The following CSMD1 variants were observed in gnomAD, a reference collection of about 807,000 sequenced individuals.
CSMD1 encodes CUB and sushi domain-containing protein 1.
A neutral mutation model predicts 417.5 loss-of-function variants in CSMD1; 213 were observed. The observed-to-expected ratio is 0.51, with a 90% CI of 0.46 to 0.57. The LOEUF (loss-of-function observed/expected upper bound fraction) is 0.57, where lower values mean the gene tolerates loss of function less well. Among genes scored for constraint, CSMD1 ranks in the 20% least tolerant of loss-of-function variants. The pLI, the probability that CSMD1 is intolerant of heterozygous loss-of-function variation, is 0.00. For synonymous variants in CSMD1, 2,862 were observed against 1,736.8 expected, an observed-to-expected ratio of 1.65 and a Z score of -16.11; for missense variants, 6,923 against 4,529.7, an observed-to-expected ratio of 1.53 and a Z score of -15.17.
intron 3 of CSMD1, among the ~76,000 whole-genome samples, chr8:4,379,879 C>T (rs947694480): frequency 6.6e-6 from 1 of 152,276 alleles, no homozygotes. Flanking sequence ...TGCTGGCATG[C>T]TGATGGAAGC....
At chr8:3,274,994 T>G (rs1319523495) in intron 26 of CSMD1, among the ~76,000 whole-genome samples, 1 of 151,242 alleles carries the variant, frequency 6.6e-6, no homozygotes, top group Non-Finnish European at 1.5e-5. Flanking sequence ...GTTATTTTGC[T>G]CGTTAGTTGA....
chr8:4,810,952 T>A lies in CSMD1; in HGVS notation c.86-173394A>T, dbSNP rs371515542. Among the ~76,000 whole-genome samples, 9 of 152,222 alleles carry A rather than the reference T, an allele frequency of 5.9e-5. No individual in the cohort carries two copies. The South Asian group carries it at 1.4e-3, about 24-fold the overall frequency. ...GAGATTAAAGAATGGCATAAAATAG[T>A]GATGATATTAAAGACAAGAAAGTAA... On this transcript the variant is annotated intron_variant, in intron 1 of 69. Transcript: ENST00000635120.
chr8:3,449,470 A>T (rs948253833), intron 12 of CSMD1, among the ~76,000 whole-genome samples: 1 of 151,822 alleles, frequency 6.6e-6, no homozygotes, highest in African/African-American at 2.4e-5. Context: ...TTCTTATGCT[A>T]TATTTTCTCT....
At chr8:4,328,666 G>C (rs1451516346) in intron 3 of CSMD1, among the ~76,000 whole-genome samples, 2 of 151,988 alleles carry the variant, frequency 1.3e-5, no homozygotes, top group Non-Finnish European at 2.9e-5. Flanking sequence ...CTCTTTGAAA[G>C]GCATGTCTAC....
intron 1 of CSMD1, among the ~76,000 whole-genome samples, chr8:4,747,418 T>G (rs146702219): frequency 6.6e-6 from 1 of 152,056 alleles, no homozygotes; most frequent in African/African-American, 2.4e-5. Flanking sequence ...AGCAATACAA[T>G]AGTGTGTTAA....
intron 2 of CSMD1, among the ~76,000 whole-genome samples, chr8:4,425,198 G>C (rs574414777): frequency 6.6e-6 from 1 of 151,976 alleles, no homozygotes; most frequent in East Asian, 1.9e-4. Context: ...GAAGGGGTGT[G>C]GTCAAATGAT....
rs567768235 is a variant in CSMD1 at position 3,497,858 on chromosome 8, T to G, written c.1345-4132A>C. Among the ~76,000 whole-genome samples, 8 of 152,378 alleles carry G rather than the reference T, an allele frequency of 5.3e-5. No homozygotes were observed. In the East Asian group the frequency reaches 1.4e-3, roughly 26 times the overall value. ...GTTTTCTGTAGTGATATGGTTTTACTTCTTTCTCATTTATTTGTCTGCTCT... is the reference window on the plus strand; with the variant it reads ...GTTTTCTGTAGTGATATGGTTTTACGTCTTTCTCATTTATTTGTCTGCTCT... On this transcript the variant is annotated intron_variant, in intron 10 of 69. Transcript: ENST00000635120.
At chr8:3,953,777 C>A (rs1018883357) in intron 5 of CSMD1, among the ~76,000 whole-genome samples, 1 of 152,116 alleles carries the variant, frequency 6.6e-6, no homozygotes, top group Non-Finnish European at 1.5e-5. Context: ...AGCTTATCCA[C>A]AAGCCCCGCA....
Position 4,693,672 on chromosome 8 carries a change from C to T in CSMD1, c.86-56114G>A, listed in dbSNP as rs564218121. On this transcript the variant is annotated intron_variant, in intron 1 of 69. Coordinates refer to ENST00000635120, the MANE Select transcript of CSMD1 (RefSeq NM_033225.6). ...CATTTTAGTATTCATTTTCTCAAAA[C>T]TTATTCTTTCAGAGATGAGGTCTCC... 3.9e-5 allele frequency among the ~76,000 whole-genome samples: 6 copies of T among 152,250 alleles called. 1 individual carries two copies. The South Asian group carries it at 8.3e-4, about 21-fold the overall frequency.
intron 1 of CSMD1, among the ~76,000 whole-genome samples, chr8:4,878,830 A>T (rs1002779943): frequency 5.3e-5 from 8 of 151,638 alleles, no homozygotes; most frequent in African/African-American, 1.9e-4. Flanking sequence ...CAGAGGAGAA[A>T]TTTTTAATAT....
chr8:4,805,702 G>C lies in CSMD1; in HGVS notation c.86-168144C>G, dbSNP rs1285646740. ...TACTTTGCATGCAGATGACAGAACA[G>C]ACCTCATAAAGCATTATATTATAAT... is the stretch of plus-strand genomic sequence containing the variant. On this transcript the variant is annotated intron_variant, in intron 1 of 69. Transcript: ENST00000635120. Among the ~76,000 whole-genome samples, 11 of 152,262 alleles carry C rather than the reference G, an allele frequency of 7.2e-5. No individual in the cohort carries two copies. In the East Asian group the frequency reaches 1.7e-3, roughly 24 times the overall value.
chr8:3,298,346 T>C (rs1485140942), intron 25 of CSMD1, among the ~76,000 whole-genome samples: 1 of 152,182 alleles, frequency 6.6e-6, no homozygotes, highest in Non-Finnish European at 1.5e-5. Context: ...CAAATGTCCA[T>C]CAGCACCCAG....
At chr8:3,287,649 T>G (rs1373836959) in intron 25 of CSMD1, among the ~76,000 whole-genome samples, 1 of 152,218 alleles carries the variant, frequency 6.6e-6, no homozygotes, top group African/African-American at 2.4e-5. Flanking sequence ...TGCACATTGA[T>G]TTTGTATCCT....
chr8:3,412,453 GT>G (rs1812871278), intron 12 of CSMD1, among the ~76,000 whole-genome samples: 1 of 152,128 alleles, frequency 6.6e-6, no homozygotes, highest in African/African-American at 2.4e-5. Context: ...ATCCAGAGAT[GT>G]TATATTGCAT....
At chr8:4,707,886 C>CAAAAAAAAAAAAAAAAAAAA (rs552510236) in intron 1 of CSMD1, among the ~76,000 whole-genome samples, 3 of 100,850 alleles carry the variant, frequency 3.0e-5, no homozygotes, top group African/African-American at 7.2e-5. Flanking sequence ...GACTTTGTTT[C>CAAAAAAAAAAAAAAAAAAAA]AAAAAAAAAA....
chr8:3,429,582 G>C (rs1393846), intron 12 of CSMD1, among the ~76,000 whole-genome samples: 1 of 152,092 alleles, frequency 6.6e-6, no homozygotes, highest in Non-Finnish European at 1.5e-5. Flanking sequence ...CACTCTGGGA[G>C]GGGTCAACAA....
Position 4,483,642 on chromosome 8 carries a change from G to T in CSMD1, c.303-63577C>A, listed in dbSNP as rs539627817. On this transcript the variant is annotated intron_variant, in intron 2 of 69. Coordinates refer to ENST00000635120, the MANE Select transcript of CSMD1 (RefSeq NM_033225.6). ...AGACTAATTTAAAACAGCAAAATGT[G>T]ATTTTTGGGCTAAACACATATTTAA... Among the ~76,000 whole-genome samples, 23 of 152,256 alleles carry T rather than the reference G, an allele frequency of 1.5e-4. No homozygotes were observed. The East Asian group carries it at 4.3e-3, about 28-fold the overall frequency.
At chr8:4,782,447 T>C (rs920759864) in intron 1 of CSMD1, among the ~76,000 whole-genome samples, 1 of 152,160 alleles carries the variant, frequency 6.6e-6, no homozygotes, top group African/African-American at 2.4e-5. Flanking sequence ...TCATTACATA[T>C]AGAATTTGAA....
At chr8:3,523,764 T>C (rs549068116) in intron 10 of CSMD1, among the ~76,000 whole-genome samples, 2 of 143,122 alleles carry the variant, frequency 1.4e-5, no homozygotes, top group East Asian at 4.3e-4. Flanking sequence ...CACACACACA[T>C]GCACACACAT....
Sources: allele counts gnomAD v4.1 joint callset (sites outside exome capture counted in the v4.1 genomes callset), GRCh38; gene constraint gnomAD v4.1.1; transcripts MANE v1.5; gene names NCBI Gene and HGNC (gene_info 2026-07-23, HGNC 2026-07-21).